CYSLTR2: variants seen among roughly 807,000 people sequenced by gnomAD.
The protein encoded by CYSLTR2 is G-protein coupled receptor GPCR21.
For synonymous variants in CYSLTR2, 179 were observed against 160.8 expected (o/e 1.11, Z -0.86); for missense variants, 398 against 411.9 (o/e 0.97, Z 0.29).
intron 1 of CYSLTR2, among the ~76,000 whole-genome samples, chr13:48,684,536 C>G (rs1953847095): frequency 6.6e-6 from 1 of 151,954 alleles, no homozygotes; most frequent in Admixed American, 6.6e-5. Context: ...GTTAGATCAT[C>G]CCTACATTCA....
chr13:48,680,800 C>CT (rs139896583), intron 1 of CYSLTR2, among the ~76,000 whole-genome samples: 5,278 of 55,180 alleles, frequency 0.096, 177 homozygotes, highest in Non-Finnish European at 0.14. Flanking sequence ...CTTTTCTTTT[C>CT]TTTTTTTTTT....
At chr13:48,681,638 T>A (rs532476126) in intron 1 of CYSLTR2, among the ~76,000 whole-genome samples, 1 of 152,254 alleles carries the variant, frequency 6.6e-6, no homozygotes, top group South Asian at 2.1e-4. Context: ...TTGTCTGTGG[T>A]CATGCCTGCC....
At chr13:48,667,393 G>T (rs1953293297) in intron 1 of CYSLTR2, among the ~76,000 whole-genome samples, 2 of 152,228 alleles carry the variant, frequency 1.3e-5, no homozygotes, top group Admixed American at 6.5e-5. Context: ...GGGGTGGAGG[G>T]CATGCCTGCC....
intron 1 of CYSLTR2, among the ~76,000 whole-genome samples, chr13:48,685,211 T>C (rs1953865442): frequency 6.6e-6 from 1 of 152,166 alleles, no homozygotes; most frequent in African/African-American, 2.4e-5. Flanking sequence ...TTGTCTTACA[T>C]GGCAGGAGCA....
chr13:48,663,051 A>C (rs2138818139), intron 1 of CYSLTR2, among the ~76,000 whole-genome samples: 1 of 152,126 alleles, frequency 6.6e-6, no homozygotes, highest in South Asian at 2.1e-4. Context: ...GCCTAGTTTC[A>C]TTCTTCTATA....
chr13:48,663,201 T>A (rs1214861115), intron 1 of CYSLTR2, among the ~76,000 whole-genome samples: 1 of 152,170 alleles, frequency 6.6e-6, no homozygotes. Context: ...CATTGGCCTA[T>A]GTGTCTGCTT....
Position 48,707,583 on chromosome 13 carries a change from T to A in CYSLTR2, c.766T>A (p.Phe256Ile), listed in dbSNP as rs1275110296. ...CACCATCATCATCACCTTGATCATC[T>A]TCTTCTTGTGTTTCCTGCCCTATCA... ...LTTIIITLII[F>I]FLCFLPYHTL... Residue 256 changes from phenylalanine to isoleucine, a missense_variant, in exon 5 of 5, where the codon TTC (phenylalanine) becomes ATC (isoleucine). Phe to Ile is a conservative substitution (Grantham distance 21). Transcript: ENST00000682523. 6.2e-7 allele frequency: 1 copy of A among 1,609,830 alleles called. No individual in the cohort carries two copies. The highest frequency in any genetic ancestry group is 8.5e-7 in the Non-Finnish European group (1 of 1,179,976).
At chr13:48,673,378 T>C (rs1953497346) in intron 1 of CYSLTR2, among the ~76,000 whole-genome samples, 1 of 152,102 alleles carries the variant, frequency 6.6e-6, no homozygotes, top group South Asian at 2.1e-4. Context: ...TTTGCCTTTT[T>C]TGATCTTTGT....
intron 1 of CYSLTR2, among the ~76,000 whole-genome samples, chr13:48,672,667 G>A (rs573248418): frequency 6.9e-6 from 1 of 144,134 alleles, no homozygotes; most frequent in African/African-American, 2.6e-5. Context: ...ATTCAGGTTG[G>A]ACTGCAGTGG....
intron 2 of CYSLTR2, among the ~76,000 whole-genome samples, chr13:48,692,388 ACT>A (rs986107959): frequency 6.6e-6 from 1 of 151,846 alleles, no homozygotes; most frequent in African/African-American, 2.4e-5. Context: ...TTCTAATTTT[ACT>A]CTTTTTGTAC....
chr13:48,680,828 A>C (rs1228350944), intron 1 of CYSLTR2, among the ~76,000 whole-genome samples: 2 of 114,856 alleles, frequency 1.7e-5, no homozygotes, highest in Non-Finnish European at 3.4e-5. Flanking sequence ...TTTGCAGTCT[A>C]GTGAAATGTT....
intron 1 of CYSLTR2, among the ~76,000 whole-genome samples, chr13:48,654,961 G>T (rs1952967490): frequency 6.6e-6 from 1 of 152,124 alleles, no homozygotes; most frequent in Non-Finnish European, 1.5e-5. Flanking sequence ...AGAAAGGGAG[G>T]TATAATTTAA....
At chr13:48,683,585 T>C (rs1425885343) in intron 1 of CYSLTR2, among the ~76,000 whole-genome samples, 1 of 152,190 alleles carries the variant, frequency 6.6e-6, no homozygotes, top group African/African-American at 2.4e-5. Flanking sequence ...AACGGAGTTT[T>C]TTTTTCTTAT....
At position 48,707,848 on chromosome 13, in the gene CYSLTR2, C is replaced by G; in HGVS notation, c.1031C>G (p.Thr344Arg). 1 of 1,524,736 alleles carries G rather than the reference C, an allele frequency of 6.6e-7. No individual in the cohort carries two copies. The highest frequency in any genetic ancestry group is 8.8e-7 in the Non-Finnish European group (1 of 1,138,418). 94.5% of individuals were successfully genotyped at this position (1,524,736 alleles called of 1,614,324 possible). Residue 344 changes from threonine to arginine, a missense_variant, in exon 5 of 5, where the codon ACA (threonine) becomes AGA (arginine). Coordinates refer to ENST00000682523, the MANE Select transcript of CYSLTR2 (RefSeq NM_001308476.3). ...FPVSVWLRKE[T>R]RV is the part of the protein sequence containing the mutation. Reference sequence around the variant, plus strand: ...GTTAGTGTGTGGTTGAGAAAGGAAACAAGAGTATAAGGAGCTCTTAGATGA... The same window carrying G: ...GTTAGTGTGTGGTTGAGAAAGGAAAGAAGAGTATAAGGAGCTCTTAGATGA...
intron 3 of CYSLTR2, among the ~76,000 whole-genome samples, chr13:48,695,361 T>TA (rs1464530951): frequency 1.3e-5 from 2 of 149,086 alleles, no homozygotes; most frequent in Admixed American, 6.7e-5. Flanking sequence ...CCCTTTCTTT[T>TA]TCCTTTCTCT....
chr13:48,672,807 G>T (rs9526485), intron 1 of CYSLTR2, among the ~76,000 whole-genome samples: 1 of 151,638 alleles, frequency 6.6e-6, no homozygotes, highest in Non-Finnish European at 1.5e-5. Flanking sequence ...TAGTAGAGGC[G>T]GGGTTTCACT....
chr13:48,694,752 T>C (rs1833888209), intron 3 of CYSLTR2: 1 of 152,194 alleles, frequency 6.6e-6, no homozygotes, highest in African/African-American at 2.4e-5. Flanking sequence ...GAAAGCCTTC[T>C]GTCATCTTCC....
chr13:48,662,619 C>A (rs1953158680), intron 1 of CYSLTR2, among the ~76,000 whole-genome samples: 1 of 152,144 alleles, frequency 6.6e-6, no homozygotes, highest in South Asian at 2.1e-4. Context: ...TGATGTTGAA[C>A]ATTTTTTCAT....
At chr13:48,699,411 G>C (rs1025962502) in intron 4 of CYSLTR2, among the ~76,000 whole-genome samples, 1 of 152,196 alleles carries the variant, frequency 6.6e-6, no homozygotes, top group African/African-American at 2.4e-5. Flanking sequence ...ATCTGTTCCT[G>C]AATGACTACT....
Sources: allele counts gnomAD v4.1 joint callset (sites outside exome capture counted in the v4.1 genomes callset), GRCh38; gene constraint gnomAD v4.1.1; transcripts MANE v1.5; gene names NCBI Gene and HGNC (gene_info 2026-07-23, HGNC 2026-07-21).